The following CHSY3 variants were observed in gnomAD, a reference collection of about 807,000 sequenced individuals.
CHSY3 encodes the protein N-acetylgalactosaminyl-proteoglycan 3-beta-glucuronosyltransferase 3.
Under a neutral mutation model 67.2 loss-of-function variants are expected in CHSY3, and 35 were observed. That is an observed-to-expected ratio of 0.52 (90% CI 0.40 to 0.69). The LOEUF (loss-of-function observed/expected upper bound fraction) is 0.69. CHSY3 is among the 30% of genes least tolerant of loss of function. The pLI is 0.00. For synonymous variants in CHSY3, 474 were observed against 434.7 expected (o/e 1.09, Z -1.12); for missense variants, 1,069 against 1,138.5 (o/e 0.94, Z 0.88).
chr5:130,108,459 A>T (rs935568779), intron 2 of CHSY3, among the ~76,000 whole-genome samples: 2 of 151,622 alleles, frequency 1.3e-5, no homozygotes, highest in African/African-American at 4.8e-5. Flanking sequence ...TTAAGTGGCA[A>T]TTTGCCATTT....
At chr5:130,003,723 T>A (rs1354928633) in intron 2 of CHSY3, among the ~76,000 whole-genome samples, 1 of 152,158 alleles carries the variant, frequency 6.6e-6, no homozygotes, top group African/African-American at 2.4e-5. Flanking sequence ...TATAGGCAAT[T>A]TGAGACCCTG....
intron 2 of CHSY3, chr5:130,140,480 C>A: frequency 8.8e-7 from 1 of 1,131,420 alleles, no homozygotes; most frequent in Non-Finnish European, 1.2e-6. Flanking sequence ...TTTAATGACT[C>A]TCAGCATCAG....
rs925502081 is a variant in CHSY3 at position 130,096,680 on chromosome 5, C to G, written c.1087-87549C>G. 4.6e-5 allele frequency among the ~76,000 whole-genome samples: 7 copies of G among 151,936 alleles called. 1 individual carries two copies. The highest frequency in any genetic ancestry group is 1.7e-4 in the African/African-American group (7 of 41,336). ...ACCATTGGTTCTTTTCTAAGTATGA[C>G]GTAAGGTGTTGCCAACCATTTTTTT... On this transcript the variant is annotated intron_variant, in intron 2 of 2. Coordinates refer to ENST00000305031, the MANE Select transcript of CHSY3 (RefSeq NM_175856.5).
intron 2 of CHSY3, among the ~76,000 whole-genome samples, chr5:130,161,025 C>T (rs1248832798): frequency 6.6e-6 from 1 of 151,734 alleles, no homozygotes; most frequent in Non-Finnish European, 1.5e-5. Context: ...CTGCCTCAGC[C>T]TCCCTGGTAG....
chr5:130,163,282 C>T (rs755377735), intron 2 of CHSY3, among the ~76,000 whole-genome samples: 13 of 152,068 alleles, frequency 8.5e-5, no homozygotes, highest in Non-Finnish European at 1.9e-4. Context: ...ATTTTATTAA[C>T]CAAGAATAAA....
In CHSY3 at chr5:129,943,350, C is replaced by T. The variant is rs183069641; in HGVS notation, c.1086+34990C>T. ...AAAAATCATGCCGAACTCCAAAGAG[C>T]CTGTGCCATTGTATGCAATACTCTA... is the stretch of plus-strand genomic sequence containing the variant. On this transcript the variant is annotated intron_variant, in intron 2 of 2. Coordinates refer to ENST00000305031, the MANE Select transcript of CHSY3 (RefSeq NM_175856.5). Among the ~76,000 whole-genome samples the T allele has an allele frequency of 2.8e-3, 423 of 152,274 alleles. 2 individuals carry two copies. The highest frequency in any genetic ancestry group is 4.4e-3 in the Non-Finnish European group (301 of 68,008).
chr5:130,020,504 G>T (rs1295481585), intron 2 of CHSY3, among the ~76,000 whole-genome samples: 1 of 113,744 alleles, frequency 8.8e-6, no homozygotes, highest in African/African-American at 3.3e-5. Flanking sequence ...ACATCCTTTT[G>T]ATTAAAGTTT....
rs758486109 is a variant in CHSY3 at position 130,184,627 on chromosome 5, G to A, written c.1485G>A (p.Leu495=). 84 of 1,606,372 alleles carry A rather than the reference G, an allele frequency of 5.2e-5. No homozygotes were observed. Among genetic ancestry groups the A allele is most frequent in the Non-Finnish European group, 6.6e-5 (77 of 1,173,042 alleles). Residue 495 remains leucine (L), a synonymous_variant, in exon 3 of 3, where the codon CTG becomes CTA. Transcript: ENST00000305031. ...TCAGTAGCATTTTAAGAACAGCACT[G>A]GATGATACCGTCCTACAGGTGATGG... The part of the protein sequence containing the change: ...QSLSSILRTA[L]DDTVLQVMEM...
intron 2 of CHSY3, among the ~76,000 whole-genome samples, chr5:129,984,471 G>A (rs1763114642): frequency 6.6e-6 from 1 of 151,850 alleles, no homozygotes; most frequent in Admixed American, 6.6e-5. Flanking sequence ...GCAACAGTCA[G>A]CACTGCTATG....
intron 2 of CHSY3, among the ~76,000 whole-genome samples, chr5:129,959,069 A>G (rs1320170211): frequency 2.6e-5 from 4 of 152,100 alleles, no homozygotes; most frequent in African/African-American, 4.8e-5. Flanking sequence ...CCAAGTGAAT[A>G]TGCTCTCTTT....
chr5:130,017,963 C>T (rs763871971), intron 2 of CHSY3, among the ~76,000 whole-genome samples: 6 of 152,102 alleles, frequency 3.9e-5, no homozygotes, highest in Non-Finnish European at 8.8e-5. Flanking sequence ...TTAACAGACG[C>T]GTAATTCCTT....
rs753189646 is a variant in CHSY3, at chr5:130,184,624, A to C, written c.1482A>C (p.Ala494=). Residue 494 remains alanine, a synonymous_variant, in exon 3 of 3, where the codon GCA becomes GCC. Coordinates refer to ENST00000305031, the MANE Select transcript of CHSY3 (RefSeq NM_175856.5). ...GCCTCAGTAGCATTTTAAGAACAGCACTGGATGATACCGTCCTACAGGTGA... is the reference window on the plus strand; with the variant it reads ...GCCTCAGTAGCATTTTAAGAACAGCCCTGGATGATACCGTCCTACAGGTGA... ...RQSLSSILRT[A]LDDTVLQVME... 3 of 1,606,100 alleles carry C rather than the reference A, an allele frequency of 1.9e-6. 1 individual carries two copies. Among genetic ancestry groups the C allele is most frequent in the South Asian group, 2.2e-5 (2 of 90,928 alleles).
intron 2 of CHSY3, among the ~76,000 whole-genome samples, chr5:130,177,899 C>A (rs530730560): frequency 6.6e-6 from 1 of 152,038 alleles, no homozygotes; most frequent in East Asian, 1.9e-4. Flanking sequence ...TATTGGATCT[C>A]CTGAACTGTT....
At chr5:130,178,221 T>TTTTA (rs2079386631) in intron 2 of CHSY3, among the ~76,000 whole-genome samples, 1 of 89,640 alleles carries the variant, frequency 1.1e-5, no homozygotes, top group Non-Finnish European at 2.2e-5. Context: ...ATGTATATAT[T>TTTTA]TATATTTATA....
chr5:130,030,038 A>G (rs1764661849), intron 2 of CHSY3, among the ~76,000 whole-genome samples: 1 of 151,996 alleles, frequency 6.6e-6, no homozygotes, highest in Non-Finnish European at 1.5e-5. Context: ...TTTTTTTCCT[A>G]AATTAGTTTT....
chr5:129,930,480 A>G (rs1473524802), intron 2 of CHSY3, among the ~76,000 whole-genome samples: 3 of 138,816 alleles, frequency 2.2e-5, no homozygotes, highest in Non-Finnish European at 4.6e-5. Flanking sequence ...GATAAGCACC[A>G]TAGATGTTTA....
At chr5:130,147,735 C>T (rs978821080) in intron 2 of CHSY3, among the ~76,000 whole-genome samples, 2 of 152,132 alleles carry the variant, frequency 1.3e-5, no homozygotes, top group Admixed American at 6.6e-5. Context: ...GTTTGCATGT[C>T]ACATGGAAAA....
At chr5:129,909,448 C>T (rs933173564) in intron 2 of CHSY3, among the ~76,000 whole-genome samples, 1 of 151,880 alleles carries the variant, frequency 6.6e-6, no homozygotes, top group African/African-American at 2.4e-5. Flanking sequence ...AGTGTAGTCT[C>T]ACTATAGTTA....
intron 2 of CHSY3, among the ~76,000 whole-genome samples, chr5:129,977,868 TA>T (rs57958050): frequency 0.53 from 74,006 of 140,340 alleles, 19,050 homozygotes; most frequent in Non-Finnish European, 0.6. Flanking sequence ...ATATAAGAAG[TA>T]AAAAAAAAAA....
Sources: gnomAD v4.1 joint callset for allele counts (sites outside exome capture counted in the v4.1 genomes callset) on GRCh38, gnomAD v4.1.1 for gene constraint, MANE v1.5 for transcripts, NCBI Gene and HGNC (gene_info 2026-07-23, HGNC 2026-07-21) for gene names.